ST7: variants seen among roughly 807,000 people sequenced by gnomAD.
The protein encoded by ST7 is suppressor of tumorigenicity 7 protein.
A neutral mutation model predicts 78.7 loss-of-function variants in ST7; 28 were observed. That is an observed-to-expected ratio of 0.36 (90% confidence interval 0.26 to 0.49). The LOEUF is 0.49. Among genes scored for constraint, ST7 ranks in the 20% least tolerant of loss-of-function variants. ST7 has a pLI of 0.99. For synonymous variants in ST7, 247 were observed against 249.6 expected, an observed-to-expected ratio of 0.99 and a Z score of 0.10; for missense variants, 418 against 696.0, an observed-to-expected ratio of 0.60 and a Z score of 4.49.
chr7:116,953,831 A>C (rs1195641925), intron 1 of ST7, 140 bp downstream of exon 1: 6 of 465,738 alleles, frequency 1.3e-5, no homozygotes, highest in African/African-American at 2.2e-5. Context: ...GCTACCCGCC[A>C]GCAACGCGGC....
chr7:117,034,591 C>T (rs1796781376), intron 1 of ST7, among the ~76,000 whole-genome samples: 1 of 152,100 alleles, frequency 6.6e-6, no homozygotes, highest in South Asian at 2.1e-4. Context: ...GTAATGGTAT[C>T]ATATTTTAAC....
intron 1 of ST7, among the ~76,000 whole-genome samples, chr7:117,077,872 G>A (rs1472321882): frequency 2.7e-5 from 4 of 147,566 alleles, no homozygotes; most frequent in Non-Finnish European, 6.0e-5. Context: ...TTGAGACAGG[G>A]TCTTGCTCTG....
At chr7:117,106,054 A>G (rs1261328570) in intron 2 of ST7, among the ~76,000 whole-genome samples, 1 of 151,902 alleles carries the variant, frequency 6.6e-6, no homozygotes, top group African/African-American at 2.4e-5. Context: ...TGCGGACTGC[A>G]GTGGCGCAAT....
chr7:117,206,347 A>G (rs1225314329), intron 12 of ST7, among the ~76,000 whole-genome samples: 1 of 152,112 alleles, frequency 6.6e-6, no homozygotes, highest in Non-Finnish European at 1.5e-5. Context: ...TATTACCTTG[A>G]TGTGCAAGGC....
chr7:117,033,342 C>T (rs1796700768), intron 1 of ST7, among the ~76,000 whole-genome samples: 1 of 151,686 alleles, frequency 6.6e-6, no homozygotes, highest in African/African-American at 2.4e-5. Flanking sequence ...AGTTTACATT[C>T]TAAGGGGATG....
chr7:117,023,879 G>A (rs1366163966), intron 1 of ST7, among the ~76,000 whole-genome samples: 1 of 151,828 alleles, frequency 6.6e-6, no homozygotes, highest in Admixed American at 6.6e-5. Flanking sequence ...GCACAATCTT[G>A]GCTCACTGCA....
chr7:117,097,324 TG>T (rs1315614754), intron 1 of ST7, among the ~76,000 whole-genome samples: 28 of 151,336 alleles, frequency 1.9e-4, no homozygotes, highest in Admixed American at 1.1e-3. Context: ...AATATTCTGC[TG>T]GCTTTTTTTT....
At chr7:117,185,734 C>T (rs1219068263) in intron 10 of ST7, among the ~76,000 whole-genome samples, 1 of 152,102 alleles carries the variant, frequency 6.6e-6, no homozygotes, top group Non-Finnish European at 1.5e-5. Context: ...ACCAGCCTGA[C>T]CAACATGGTG....
intron 1 of ST7, among the ~76,000 whole-genome samples, chr7:117,082,779 T>A (rs1185278555): frequency 6.6e-6 from 1 of 152,212 alleles, no homozygotes; most frequent in Non-Finnish European, 1.5e-5. Context: ...ACTATTTAAC[T>A]CAGCTGTTGT....
intron 1 of ST7, among the ~76,000 whole-genome samples, chr7:117,046,111 T>A (rs1797479763): frequency 6.6e-6 from 1 of 152,222 alleles, no homozygotes; most frequent in Non-Finnish European, 1.5e-5. Flanking sequence ...AAAACCAGCT[T>A]CCCTGTAAGT....
At chr7:117,013,347 G>T (rs1402735104) in intron 1 of ST7, among the ~76,000 whole-genome samples, 1 of 152,132 alleles carries the variant, frequency 6.6e-6, no homozygotes, top group East Asian at 1.9e-4. Context: ...TGTACCCTAG[G>T]TTAAGATAAA....
intron 1 of ST7, among the ~76,000 whole-genome samples, chr7:117,050,961 T>G (rs1355562445): frequency 6.6e-6 from 1 of 151,878 alleles, no homozygotes; most frequent in East Asian, 1.9e-4. Flanking sequence ...GAAAATATTT[T>G]CAGGCTATGC....
intron 1 of ST7, among the ~76,000 whole-genome samples, chr7:117,032,085 T>A (rs1157923616): frequency 6.6e-6 from 1 of 151,918 alleles, no homozygotes; most frequent in East Asian, 1.9e-4. Flanking sequence ...TTTAGCCATG[T>A]TGACCAGGCT....
intron 3 of ST7, among the ~76,000 whole-genome samples, chr7:117,122,946 G>C (rs553265642): frequency 2.6e-5 from 4 of 152,102 alleles, no homozygotes; most frequent in African/African-American, 9.7e-5. Flanking sequence ...GTATCAAGAA[G>C]GTCCAAAGCT....
At chr7:117,192,381 A>G (rs1789368088) in intron 12 of ST7, among the ~76,000 whole-genome samples, 1 of 152,186 alleles carries the variant, frequency 6.6e-6, no homozygotes, top group Admixed American at 6.5e-5. Flanking sequence ...TCTGTCATTT[A>G]TCAGCCATTG....
intron 1 of ST7, among the ~76,000 whole-genome samples, chr7:117,051,920 T>G (rs1281213441): frequency 6.6e-6 from 1 of 152,166 alleles, no homozygotes; most frequent in African/African-American, 2.4e-5. Flanking sequence ...CAAAGGAAAT[T>G]TGAAGGTTGG....
chr7:117,019,471 C>T (rs1202794319), intron 1 of ST7, among the ~76,000 whole-genome samples: 2 of 152,164 alleles, frequency 1.3e-5, no homozygotes, highest in African/African-American at 4.8e-5. Flanking sequence ...AATGCTTACT[C>T]ATACAGAGGT....
At chr7:117,012,908 T>A (rs1003289495) in intron 1 of ST7, among the ~76,000 whole-genome samples, 1 of 152,202 alleles carries the variant, frequency 6.6e-6, no homozygotes, top group African/African-American at 2.4e-5. Flanking sequence ...GGTTGTAGGT[T>A]TTATATCTAT....
chr7:117,222,171 C>T, intron 15 of ST7, 109 bp downstream of exon 15: 1 of 1,229,390 alleles, frequency 8.1e-7, no homozygotes, highest in East Asian at 2.6e-5. Context: ...TACGAGCCTG[C>T]AAAGATCATT....
Sources: allele counts gnomAD v4.1 joint callset (sites outside exome capture counted in the v4.1 genomes callset), GRCh38; gene constraint gnomAD v4.1.1; transcripts MANE v1.5; gene names NCBI Gene and HGNC (gene_info 2026-07-23, HGNC 2026-07-21).